The following CLVS1 variants were observed in gnomAD, a reference collection of about 807,000 sequenced individuals.
CLVS1 encodes clavesin-1.
CLVS1 carries 10 observed loss-of-function variants against 33.1 expected under a neutral mutation model. That is an observed-to-expected ratio of 0.30 (90% CI 0.19 to 0.51). The LOEUF is 0.51. CLVS1 is among the 20% of genes least tolerant of loss of function. The pLI, the probability that CLVS1 is intolerant of heterozygous loss-of-function variation, is 0.97. For synonymous variants in CLVS1, 163 were observed against 166.1 expected, an observed-to-expected ratio of 0.98 and a Z score of 0.14; for missense variants, 343 against 433.4, an observed-to-expected ratio of 0.79 and a Z score of 1.85.
chr8:61,246,603 GC>G (rs1296502780), intron 2 of CLVS1, among the ~76,000 whole-genome samples: 1 of 151,838 alleles, frequency 6.6e-6, no homozygotes, highest in African/African-American at 2.4e-5. Context: ...ATTGTCCTTA[GC>G]TTTTTCTTGA....
chr8:61,484,846 G>T (rs552794253), intron 5 of CLVS1, among the ~76,000 whole-genome samples: 1 of 152,122 alleles, frequency 6.6e-6, no homozygotes. Flanking sequence ...AATGGGGAAA[G>T]GATTCCCTAT....
chr8:61,226,174 C>T (rs965710594), intron 2 of CLVS1, among the ~76,000 whole-genome samples: 1 of 152,116 alleles, frequency 6.6e-6, no homozygotes, highest in African/African-American at 2.4e-5. Context: ...AGAAGTGTTG[C>T]AAATGGAGCA....
At chr8:61,075,382 A>C (rs1395661116) in intron 1 of CLVS1, among the ~76,000 whole-genome samples, 3 of 152,236 alleles carry the variant, frequency 2.0e-5, no homozygotes, top group Non-Finnish European at 4.4e-5. Flanking sequence ...ATCTGGATAA[A>C]AAACCATAAG....
intron 2 of CLVS1, among the ~76,000 whole-genome samples, chr8:61,178,182 C>A (rs1027981789): frequency 6.6e-6 from 1 of 152,030 alleles, no homozygotes; most frequent in Admixed American, 6.6e-5. Context: ...AAACACAGCA[C>A]AAGAACATCT....
chr8:60,990,562 C>T, the CLVS1 span, among the ~76,000 whole-genome samples: 1 of 152,094 alleles, frequency 6.6e-6, no homozygotes, highest in South Asian at 2.1e-4. Flanking sequence ...TCTATTATGT[C>T]TACTCTGGTG....
At chr8:61,060,185 G>C (rs1179860760) in intron 1 of CLVS1, among the ~76,000 whole-genome samples, 1 of 152,144 alleles carries the variant, frequency 6.6e-6, no homozygotes, top group African/African-American at 2.4e-5. Context: ...CAACAAGAAA[G>C]ACATTCCTTC....
chr8:61,253,481 G>A (rs1808997694), intron 2 of CLVS1, among the ~76,000 whole-genome samples: 1 of 152,144 alleles, frequency 6.6e-6, no homozygotes, highest in Admixed American at 6.5e-5. Flanking sequence ...TTTCTAGATT[G>A]GGGAAGTTCT....
chr8:60,971,191 C>T, the CLVS1 span, among the ~76,000 whole-genome samples: 1 of 151,574 alleles, frequency 6.6e-6, no homozygotes. Flanking sequence ...ATCCTCCCAC[C>T]TCAGCCTTGC....
chr8:61,279,298 G>A (rs945099993), intron 2 of CLVS1, among the ~76,000 whole-genome samples: 16 of 152,130 alleles, frequency 1.1e-4, no homozygotes, highest in African/African-American at 2.4e-5. Context: ...TTGGCCAGAG[G>A]TGTCTTAGTT....
chr8:61,372,152 A>G (rs564994279), intron 2 of CLVS1, among the ~76,000 whole-genome samples: 1 of 152,342 alleles, frequency 6.6e-6, no homozygotes, highest in South Asian at 2.1e-4. Context: ...ATACTCTGAT[A>G]GAATTGTGAT....
chr8:61,172,962 A>C (rs967303884), intron 2 of CLVS1, among the ~76,000 whole-genome samples: 2 of 152,312 alleles, frequency 1.3e-5, no homozygotes, highest in African/African-American at 4.8e-5. Context: ...GAACTAAGTT[A>C]CATGGGTTTA....
At chr8:61,209,702 T>C (rs905799820) in intron 2 of CLVS1, among the ~76,000 whole-genome samples, 2 of 143,156 alleles carry the variant, frequency 1.4e-5, no homozygotes, top group African/African-American at 5.3e-5. Context: ...GAAAAGGTGA[T>C]TGGCTTACTT....
the CLVS1 span, among the ~76,000 whole-genome samples, chr8:61,023,757 G>A: frequency 1.3e-5 from 2 of 152,174 alleles, no homozygotes; most frequent in African/African-American, 4.8e-5. Context: ...GGCCCAGGGA[G>A]CCAGGACGGC....
At chr8:61,038,667 T>C in the CLVS1 span, among the ~76,000 whole-genome samples, 4 of 152,160 alleles carry the variant, frequency 2.6e-5, no homozygotes, top group African/African-American at 9.7e-5. Flanking sequence ...ACATCAGTTT[T>C]GGAAACTTCT....
In CLVS1 at chr8:61,426,946, A is replaced by G. The variant is rs111801832; in HGVS notation, c.631-27195A>G. Among the ~76,000 whole-genome samples the G allele has an allele frequency of 9.8e-3, 1,495 of 152,334 alleles. 30 individuals carry two copies. The highest frequency in any genetic ancestry group is 0.034 in the African/African-American group (1,398 of 41,576). On this transcript the variant is annotated intron_variant, in intron 3 of 5. Coordinates refer to ENST00000325897, the MANE Select transcript of CLVS1 (RefSeq NM_173519.3). ...TGTTAGCAGCTTTCTGACTAGCTAA[A>G]AAGACAGCACACATACATTTGAAAC... is the stretch of plus-strand genomic sequence containing the variant.
intron 3 of CLVS1, among the ~76,000 whole-genome samples, chr8:61,452,191 G>T (rs1416015127): frequency 6.6e-6 from 1 of 152,178 alleles, no homozygotes; most frequent in Admixed American, 6.5e-5. Context: ...TGATGTCTTT[G>T]ATGATTGAGG....
chr8:61,104,367 T>C (rs1335282022), intron 1 of CLVS1, among the ~76,000 whole-genome samples: 1 of 152,152 alleles, frequency 6.6e-6, no homozygotes, highest in East Asian at 1.9e-4. Context: ...GCTGCAGAGA[T>C]ATATAGGTAG....
At chr8:61,364,050 C>T (rs372380414) in intron 2 of CLVS1, among the ~76,000 whole-genome samples, 1 of 152,180 alleles carries the variant, frequency 6.6e-6, no homozygotes, top group South Asian at 2.1e-4. Flanking sequence ...GACTTTTCTG[C>T]CCAAGTTAAT....
the CLVS1 span, among the ~76,000 whole-genome samples, chr8:61,040,657 A>G: frequency 2.0e-5 from 3 of 152,066 alleles, no homozygotes; most frequent in African/African-American, 7.2e-5. Flanking sequence ...GTGTTGGTTC[A>G]TGTCCTTTGC....
Sources: allele counts gnomAD v4.1 joint callset (sites outside exome capture counted in the v4.1 genomes callset), GRCh38; gene constraint gnomAD v4.1.1; transcripts MANE v1.5; gene names NCBI Gene and HGNC (gene_info 2026-07-23, HGNC 2026-07-21).